The following F11R variants were observed in gnomAD, a reference collection of about 807,000 sequenced individuals.
F11R encodes the protein F11 receptor.
Under a neutral mutation model 39.3 loss-of-function variants are expected in F11R, and 27 were observed. The observed-to-expected ratio is 0.69, with a 90% CI of 0.51 to 0.95. The LOEUF is 0.95. Ranked by LOEUF, F11R falls within the 40% of genes least tolerant of loss-of-function variation. F11R has a pLI of 0.00. For synonymous variants in F11R, 131 were observed against 144.9 expected (o/e 0.90, Z 0.69); for missense variants, 335 against 372.7 (o/e 0.90, Z 0.83).
At chr1:161,012,957 CAGGGGTACATATGCAGGTTTGTT>C (rs1279905061) in intron 1 of F11R, among the ~76,000 whole-genome samples, 5 of 152,018 alleles carry the variant, frequency 3.3e-5, no homozygotes, top group Non-Finnish European at 4.4e-5. Context: ...ATTTTAGGCT[CAGGGGTACATATGCAGGTTTGTT>C]ATATAGATGA....
rs149725370 is a variant in F11R at position 161,019,112 on chromosome 1, G to A, written c.64+1898C>T. Among the ~76,000 whole-genome samples, 1,017 of 152,216 alleles carry A rather than the reference G, an allele frequency of 6.7e-3. 9 individuals carry two copies. Among genetic ancestry groups the A allele is most frequent in the African/African-American group, 0.024 (979 of 41,512 alleles). On this transcript the variant is annotated intron_variant, in intron 1 of 9. Coordinates refer to ENST00000368026, the MANE Select transcript of F11R (RefSeq NM_016946.6). Reference sequence around the variant, plus strand: ...TACAAATACAGTCACTCACACAGAAGAAACTTCTGGGCTTAGGGGAAAAAT... The same window carrying A: ...TACAAATACAGTCACTCACACAGAAAAAACTTCTGGGCTTAGGGGAAAAAT...
chr1:160,999,396 C>T lies in F11R; in HGVS notation c.815G>A (p.Gly272Glu), dbSNP rs1005479691. ...AACCCCAGGACAGCACCTCACTCAC[C>T]CTTTCTTTGTTCCTGAAAGAGAAGA... The part of the protein sequence containing the change: ...SRGHFDRTKK[G>E]TSSKKVIYSQ... Residue 272 changes from glycine (G) to glutamate (E), a missense_variant and splice_region_variant, in exon 8 of 10, where the codon GGG becomes GAG. Transcript: ENST00000368026. 62 of 1,614,228 alleles carry T rather than the reference C, an allele frequency of 3.8e-5. No individual in the cohort carries two copies. The highest frequency in any genetic ancestry group is 5.2e-5 in the Non-Finnish European group (61 of 1,180,044).
chr1:160,999,319 CT>C (rs1648320954), intron 8 of F11R, 76 bp downstream of exon 8: 1 of 1,597,048 alleles, frequency 6.3e-7, no homozygotes, highest in South Asian at 1.1e-5. Context: ...ACCCATTCCC[CT>C]AGGCCCACTT....
chr1:161,010,973 T>TAAAAAA (rs747869704), intron 1 of F11R, among the ~76,000 whole-genome samples: 44 of 111,140 alleles, frequency 4.0e-4, no homozygotes, highest in Admixed American at 8.0e-4. Flanking sequence ...GACTCCATCT[T>TAAAAAA]AAAAAAAAAA....
At chr1:161,018,082 C>A (rs1649562344) in intron 1 of F11R, among the ~76,000 whole-genome samples, 1 of 152,200 alleles carries the variant, frequency 6.6e-6, no homozygotes, top group Non-Finnish European at 1.5e-5. Context: ...TCTCTCCCTA[C>A]CTGGTAGACA....
intron 1 of F11R, among the ~76,000 whole-genome samples, chr1:161,019,519 C>T (rs1449814665): frequency 2.0e-5 from 3 of 149,966 alleles, no homozygotes; most frequent in African/African-American, 4.9e-5. Context: ...CGCTTAAACC[C>T]GGAAGGCGGA....
chr1:161,019,632 A>G (rs1420590949), intron 1 of F11R, among the ~76,000 whole-genome samples: 2 of 151,912 alleles, frequency 1.3e-5, no homozygotes. Context: ...ATGAATGAAG[A>G]AGCTAGTGGG....
At chr1:161,010,760 CG>C (rs1435634215) in intron 1 of F11R, among the ~76,000 whole-genome samples, 1 of 151,588 alleles carries the variant, frequency 6.6e-6, no homozygotes, top group Non-Finnish European at 1.5e-5. Flanking sequence ...CTGAGGCGGA[CG>C]GATCACTTGA....
intron 1 of F11R, among the ~76,000 whole-genome samples, chr1:161,010,011 G>A (rs921174162): frequency 6.6e-6 from 1 of 150,598 alleles, no homozygotes; most frequent in Non-Finnish European, 1.5e-5. Flanking sequence ...GGTAGAAGTG[G>A]CATATTATTA....
intron 3 of F11R, 72 bp from the exon 4 acceptor site, chr1:161,000,849 CCAAGGTACG>C (rs1319021202): frequency 1.3e-6 from 2 of 1,584,650 alleles, no homozygotes; most frequent in African/African-American, 2.7e-5. Flanking sequence ...AAGGGGGCAT[CCAAGGTACG>C]CAAGTGCTCT....
chr1:160,999,663 G>T lies in F11R; in HGVS notation c.779C>A (p.Ala260Asp). ...LGILVFGIWF[A>D]YSRGHFDRTK... ...ACTGTCAAAGTGGCCTCGGCTATAG[G>T]CAAACCAGATGCCAAAAACCAAGAT... The change falls in exon 7 of 10, where the codon GCC (alanine) becomes GAC (aspartate). Residue 260 changes from alanine to aspartate, a missense_variant. Ala to Asp is a moderately radical substitution (Grantham distance 126). Coordinates refer to ENST00000368026, the MANE Select transcript of F11R (RefSeq NM_016946.6). The T allele has an allele frequency of 6.2e-7, 1 of 1,614,124 alleles. No individual in the cohort carries two copies. Among genetic ancestry groups the T allele is most frequent in the Admixed American group, 1.7e-5 (1 of 60,018 alleles).
rs537407070 is a variant in F11R, at chr1:160,997,084, T to C, written c.*1787A>G. On this transcript the variant is annotated 3_prime_UTR_variant, in exon 10 of 10. Transcript: ENST00000368026. ...CCTCTTGCTAAGTTAATAAATAGACTGGTGGATGGTGGTAGATGGAGAAAC... is the reference window on the plus strand; with the variant it reads ...CCTCTTGCTAAGTTAATAAATAGACCGGTGGATGGTGGTAGATGGAGAAAC... 6.6e-6 allele frequency: 1 copy of C among 152,362 alleles called. No individual in the cohort carries two copies. Among genetic ancestry groups the C allele is most frequent in the African/African-American group, 2.4e-5 (1 of 41,546 alleles). The allele number at this position is 152,362 out of a possible 1,614,324, so 9.4% of individuals were successfully genotyped here. A position where few individuals can be genotyped will look rare whatever the true frequency, so the allele number is the denominator to read the frequency against.
chr1:161,001,793 GATA>G (rs1310524358), intron 1 of F11R, among the ~76,000 whole-genome samples: 1 of 152,184 alleles, frequency 6.6e-6, no homozygotes, highest in African/African-American at 2.4e-5. Flanking sequence ...CCATGATGAG[GATA>G]ATAATAATAC....
At chr1:161,020,432 CCT>C (rs1649695710) in intron 1 of F11R, among the ~76,000 whole-genome samples, 1 of 152,190 alleles carries the variant, frequency 6.6e-6, no homozygotes, top group Non-Finnish European at 1.5e-5. Context: ...TATTGCATTT[CCT>C]CTTTAGACTG....
At chr1:161,009,356 A>C (rs1649001430) in intron 1 of F11R, among the ~76,000 whole-genome samples, 1 of 152,032 alleles carries the variant, frequency 6.6e-6, no homozygotes, top group Non-Finnish European at 1.5e-5. Context: ...GTGTTATTTA[A>C]TATTCTGAGT....
intron 8 of F11R, 73 bp downstream of exon 8, chr1:160,999,323 G>A: frequency 6.3e-7 from 1 of 1,596,604 alleles, no homozygotes; most frequent in Non-Finnish European, 8.6e-7. Flanking sequence ...ATTCCCCTAG[G>A]CCCACTTCAG....
rs1227546027 is a variant in F11R, at chr1:161,001,322, G to A, written c.96C>T (p.His32=). 1.9e-6 allele frequency: 3 copies of A among 1,614,126 alleles called. No homozygotes were observed. Among genetic ancestry groups the A allele is most frequent in the Non-Finnish European group, 8.5e-7 (1 of 1,180,006 alleles). ...CSLALGSVTV[H]SSEPEVRIPE... is the part of the protein sequence containing the mutation. ...GAATTCTGACTTCAGGTTCAGAAGA[G>A]TGCACTGTAACACTGCCCAATGCCA... The change falls in exon 2 of 10, where the codon CAC becomes CAT. Residue 32 remains histidine, a synonymous_variant. Transcript: ENST00000368026.
chr1:161,008,351 C>T (rs1458876927), intron 1 of F11R, among the ~76,000 whole-genome samples: 2 of 152,086 alleles, frequency 1.3e-5, no homozygotes, highest in African/African-American at 2.4e-5. Context: ...AAAAATTAGC[C>T]GGGCGTGGTC....
At chr1:161,015,266 C>T (rs1310962781) in intron 1 of F11R, among the ~76,000 whole-genome samples, 5 of 149,830 alleles carry the variant, frequency 3.3e-5, no homozygotes, top group African/African-American at 7.4e-5. Flanking sequence ...GGAGTGGTGG[C>T]GGGCCCCTGT....
Sources: allele counts gnomAD v4.1 joint callset (sites outside exome capture counted in the v4.1 genomes callset), GRCh38; gene constraint gnomAD v4.1.1; transcripts MANE v1.5; gene names NCBI Gene and HGNC (gene_info 2026-07-23, HGNC 2026-07-21).